Variants in OXSR1 observed in about 807,000 individuals in gnomAD.
OXSR1 encodes the protein serine/threonine-protein kinase OSR1.
In OXSR1, 24 loss-of-function variants were observed where a neutral mutation model predicts 79.8. The ratio of observed to expected loss-of-function variants is 0.30; its 90% CI spans 0.22 to 0.42. OXSR1 has a LOEUF of 0.42. Among genes scored for constraint, OXSR1 ranks in the 10% least tolerant of loss-of-function variants. The pLI, the probability that OXSR1 is intolerant of heterozygous loss-of-function variation, is 1.00. For missense variants in OXSR1, 430 were observed against 618.4 expected, an observed-to-expected ratio of 0.70 and a Z score of 3.23; for synonymous variants, 226 against 209.2, an observed-to-expected ratio of 1.08 and a Z score of -0.69.
intron 16 of OXSR1, 40 bp downstream of exon 16, chr3:38,251,511 T>G: frequency 1.4e-6 from 2 of 1,474,026 alleles, no homozygotes; most frequent in Non-Finnish European, 1.9e-6. Flanking sequence ...CCTGTGTCTC[T>G]GTCTGTATAC....
At chr3:38,233,676 G>A (rs1015664978) in intron 10 of OXSR1, among the ~76,000 whole-genome samples, 10 of 152,142 alleles carry the variant, frequency 6.6e-5, no homozygotes, top group Admixed American at 6.5e-4. Context: ...CACATTAGGA[G>A]GAGAAGTCAG....
intron 1 of OXSR1, among the ~76,000 whole-genome samples, chr3:38,167,016 G>A (rs1701478501): frequency 6.6e-6 from 1 of 152,142 alleles, no homozygotes; most frequent in African/African-American, 2.4e-5. Context: ...GAGATGCAGT[G>A]GCCTTGAGTA....
chr3:38,169,876 C>T (rs998007235), intron 1 of OXSR1, among the ~76,000 whole-genome samples: 1 of 151,788 alleles, frequency 6.6e-6, no homozygotes, highest in Non-Finnish European at 1.5e-5. Context: ...ACTACAGGTA[C>T]ATGCCACCAC....
At chr3:38,171,044 G>A (rs1279036008) in intron 1 of OXSR1, among the ~76,000 whole-genome samples, 1 of 152,076 alleles carries the variant, frequency 6.6e-6, no homozygotes, top group Non-Finnish European at 1.5e-5. Flanking sequence ...CTAAAGTGTT[G>A]GGGTTTACAG....
At chr3:38,193,686 G>T (rs1242432241) in intron 3 of OXSR1, among the ~76,000 whole-genome samples, 1 of 151,332 alleles carries the variant, frequency 6.6e-6, no homozygotes, top group Non-Finnish European at 1.5e-5. Flanking sequence ...GAAGGGGCAG[G>T]ACATGTAGAT....
At chr3:38,241,004 A>G (rs947553915) in intron 11 of OXSR1, among the ~76,000 whole-genome samples, 1 of 152,178 alleles carries the variant, frequency 6.6e-6, no homozygotes, top group African/African-American at 2.4e-5. Flanking sequence ...AGGAATCATC[A>G]ATGAAGCTAA....
chr3:38,167,891 GTTTTT>G (rs10707866), intron 1 of OXSR1, among the ~76,000 whole-genome samples: 1 of 143,944 alleles, frequency 6.9e-6, no homozygotes, highest in Non-Finnish European at 1.5e-5. Flanking sequence ...TAAAAGAAGA[GTTTTT>G]TTTTTTTTTT....
chr3:38,235,638 C>T (rs1483812675), intron 10 of OXSR1, among the ~76,000 whole-genome samples: 1 of 152,152 alleles, frequency 6.6e-6, no homozygotes, highest in Non-Finnish European at 1.5e-5. Flanking sequence ...AAAGAAGACT[C>T]TGTAGTCTTC....
At position 38,246,168 on chromosome 3, in the gene OXSR1, C is replaced by G; in HGVS notation, c.1204C>G (p.Gln402Glu). The change falls in exon 13 of 18, where the codon CAG becomes GAG. Residue 402 changes from glutamine (Q) to glutamate (E), a missense_variant. By Grantham distance (29) the Gln-to-Glu change is conservative. This residue lies in a region of OXSR1 where 276 missense variants were observed against 354.2 expected (regional missense o/e 0.78). Transcript: ENST00000311806. The part of the protein sequence containing the change: ...LPQPAGQIAT[Q>E]PTQVSLPPTA... ...TCAGCCAGCTGGGCAGATTGCTACACAGCCAACTCAAGTCTCTCTCCCACC... is the reference window on the plus strand; with the variant it reads ...TCAGCCAGCTGGGCAGATTGCTACAGAGCCAACTCAAGTCTCTCTCCCACC... The G allele has an allele frequency of 6.2e-7, 1 of 1,613,854 alleles. No individual in the cohort carries two copies. The highest frequency in any genetic ancestry group is 1.1e-5 in the South Asian group (1 of 91,076).
chr3:38,209,503 A>G (rs79108376), intron 4 of OXSR1, among the ~76,000 whole-genome samples: 12,881 of 152,116 alleles, frequency 0.085, 718 homozygotes, highest in African/African-American at 0.15. Flanking sequence ...GGTTCAAGCA[A>G]TCCTTCTGCC....
At position 38,190,682 on chromosome 3, in the gene OXSR1, T is replaced by C. The variant is rs766752230; in HGVS notation, c.184-49T>C. 4 of 1,052,076 alleles carry C rather than the reference T, an allele frequency of 3.8e-6. No homozygotes were observed. In the African/African-American group the frequency reaches 6.3e-5, roughly 17 times the overall value. 65.2% of individuals were successfully genotyped at this position (1,052,076 alleles called of 1,614,324 possible). A position where few individuals can be genotyped will look rare whatever the true frequency, so the allele number is the denominator to read the frequency against. ...TCTGGATTTGCTAACTCACAACATT[T>C]GTTTTAGGCTTGCATATAATGAATT... On this transcript the variant is annotated intron_variant, in intron 2 of 17. Transcript: ENST00000311806.
intron 12 of OXSR1, among the ~76,000 whole-genome samples, chr3:38,244,670 T>TGTGTGTGC (rs1491372358): frequency 0.011 from 1,709 of 149,632 alleles, 37 homozygotes; most frequent in Middle Eastern, 0.055. Context: ...TGTGTGTGCG[T>TGTGTGTGC]GCGCATGTAC....
intron 14 of OXSR1, among the ~76,000 whole-genome samples, chr3:38,248,327 C>T (rs1373273103): frequency 2.0e-5 from 3 of 150,826 alleles, no homozygotes; most frequent in Non-Finnish European, 4.4e-5. Flanking sequence ...TTCATTTTAA[C>T]TCCCTGCCCC....
intron 10 of OXSR1, chr3:38,236,600 G>A (rs1414411440): frequency 3.5e-6 from 1 of 288,792 alleles, no homozygotes; most frequent in African/African-American, 2.2e-5. Flanking sequence ...ACATAAAAAG[G>A]ATTTTGATGT....
In OXSR1 at chr3:38,182,888, T is replaced by C; in HGVS notation, c.71-115T>C. On this transcript the variant is annotated intron_variant, in intron 1 of 17. Transcript: ENST00000311806. ...CTTTAGAGCATTTTTCTCTATCTGT[T>C]ATGCGCTGTAGGAACAAGATAAGGA... 5.3e-6 allele frequency: 3 copies of C among 565,820 alleles called. No homozygotes were observed. In the South Asian group the frequency reaches 7.3e-5, roughly 14 times the overall value. 35.0% of individuals were successfully genotyped at this position (565,820 alleles called of 1,614,324 possible).
At chr3:38,178,689 G>A (rs1238435144) in intron 1 of OXSR1, among the ~76,000 whole-genome samples, 5 of 145,358 alleles carry the variant, frequency 3.4e-5, no homozygotes, top group Non-Finnish European at 7.5e-5. Flanking sequence ...TGTGGCCCTG[G>A]CTGGTCTCAA....
intron 3 of OXSR1, chr3:38,193,289 C>T (rs1702016638): frequency 7.8e-7 from 1 of 1,289,552 alleles, no homozygotes; most frequent in Admixed American, 2.3e-5. Context: ...TAGTGACACA[C>T]TGGAGAAACT....
chr3:38,210,912 T>A (rs1702373590), intron 4 of OXSR1, among the ~76,000 whole-genome samples: 1 of 152,214 alleles, frequency 6.6e-6, no homozygotes, highest in African/African-American at 2.4e-5. Context: ...TTTTCCTGTA[T>A]AGGTGATCTC....
chr3:38,244,670 T>TGTGTGTGTGTGC lies in OXSR1; in HGVS notation c.1111-1404_1111-1403insTGTGTGTGTGCG, dbSNP rs1491372358. Reference sequence around the variant, plus strand: ...GTGTGTGTGTGTGTGTGTGTGTGCGTGCGCATGTACCACATTTTATTCATC... The same window carrying TGTGTGTGTGTGC: ...GTGTGTGTGTGTGTGTGTGTGTGCGTGTGTGTGTGTGCGCGCATGTACCACATTTTATTCATC... On this transcript the variant is annotated intron_variant, in intron 12 of 17. Coordinates refer to ENST00000311806, the MANE Select transcript of OXSR1 (RefSeq NM_005109.3). 3.3e-3 allele frequency among the ~76,000 whole-genome samples: 489 copies of TGTGTGTGTGTGC among 149,682 alleles called. 12 individuals are homozygous for TGTGTGTGTGTGC. The highest frequency in any genetic ancestry group is 0.011 in the African/African-American group (432 of 40,162).
Sources: gnomAD v4.1 joint callset for allele counts (sites outside exome capture counted in the v4.1 genomes callset) on GRCh38, gnomAD v4.1.1 for gene constraint, gnomAD v4.1.1 regional missense constraint, MANE v1.5 for transcripts, NCBI Gene and HGNC (gene_info 2026-07-23, HGNC 2026-07-21) for gene names.